NLGN2: variants seen among roughly 807,000 people sequenced by gnomAD.
NLGN2 encodes the protein neuroligin-2.
Under a neutral mutation model 48.6 loss-of-function variants are expected in NLGN2, and 11 were observed. That is an observed-to-expected ratio of 0.23 (90% CI 0.14 to 0.37). The LOEUF (loss-of-function observed/expected upper bound fraction) is 0.37, where lower values mean the gene tolerates loss of function less well. Among genes scored for constraint, NLGN2 ranks in the 10% least tolerant of loss-of-function variants. The pLI is 1.00. For missense variants in NLGN2, 801 were observed against 1,225.2 expected (o/e 0.65, Z 5.17); for synonymous variants, 548 against 550.0 (o/e 1.00, Z 0.05).
intron 6 of NLGN2, 32 bp downstream of exon 6, chr17:7,416,139 C>A (rs370146381): frequency 8.8e-6 from 5 of 568,358 alleles, no homozygotes; most frequent in African/African-American, 1.9e-5. Flanking sequence ...CGGGGCTGGG[C>A]GGGGCCCTCC....
Position 7,417,204 on chromosome 17 carries a change from C to A in NLGN2, c.1913C>A (p.Pro638Gln). The part of the protein sequence containing the change: ...RWPPRPPAGA[P>Q]GTRRPPPPAT... ...CCGCCTCGTCCCCCCGCTGGCGCCCCGGGCACACGCCGGCCCCCGCCGCCT... is the reference window on the plus strand; with the variant it reads ...CCGCCTCGTCCCCCCGCTGGCGCCCAGGGCACACGCCGGCCCCCGCCGCCT... Residue 638 changes from proline to glutamine, a missense_variant, in exon 7 of 7, where the codon CCG (proline) becomes CAG (glutamine). Around this residue, in one of 5 missense-constraint regions of NLGN2, gnomAD observed 276 missense variants for 313.9 expected, o/e 0.88. Coordinates refer to ENST00000302926, the MANE Select transcript of NLGN2 (RefSeq NM_020795.4). 3 of 1,558,796 alleles carry A rather than the reference C, an allele frequency of 1.9e-6. No homozygotes were observed. Among genetic ancestry groups the A allele is most frequent in the Non-Finnish European group, 2.6e-6 (3 of 1,154,164 alleles).
Position 7,415,544 on chromosome 17 carries a change from C to T in NLGN2, c.1071C>T (p.Gly357=), listed in dbSNP as rs762728787. The T allele has an allele frequency of 9.3e-6, 15 of 1,614,124 alleles. No individual in the cohort carries two copies. Among genetic ancestry groups the T allele is most frequent in the Middle Eastern group, 1.6e-4 (1 of 6,082 alleles). Residue 357 remains glycine (G), a synonymous_variant, in exon 6 of 7, where the codon GGC becomes GGT. Coordinates refer to ENST00000302926, the MANE Select transcript of NLGN2 (RefSeq NM_020795.4). ...YHIAFGPVVD[G]DVVPDDPEIL... ...TCGCCTTTGGGCCCGTGGTGGATGGCGACGTGGTCCCCGATGACCCTGAGA... is the reference window on the plus strand; with the variant it reads ...TCGCCTTTGGGCCCGTGGTGGATGGTGACGTGGTCCCCGATGACCCTGAGA...
At position 7,417,616 on chromosome 17, in the gene NLGN2, G is replaced by A; in HGVS notation, c.2325G>A (p.Arg775=). Residue 775 remains arginine (R), a synonymous_variant, in exon 7 of 7, where the codon CGG becomes CGA. Transcript: ENST00000302926. ...CPPDYTLALR[R]APDDVPLLAP... The stretch of plus-strand genomic sequence containing the variant: ...CCGACTACACCCTGGCCCTGCGCCG[G>A]GCACCGGACGATGTGCCTCTCTTGG... 1 of 1,417,098 alleles carries A rather than the reference G, an allele frequency of 7.1e-7. No individual in the cohort carries two copies. Among genetic ancestry groups the A allele is most frequent in the Non-Finnish European group, 9.1e-7 (1 of 1,094,920 alleles). The allele number at this position is 1,417,098 out of a possible 1,614,324, so 87.8% of individuals were successfully genotyped here.
In NLGN2 at chr17:7,413,385, T is replaced by C. The variant is rs1158118488; in HGVS notation, c.509-959T>C. On this transcript the variant is annotated intron_variant, in intron 2 of 6. Coordinates refer to ENST00000302926, the MANE Select transcript of NLGN2 (RefSeq NM_020795.4). This position sits in a 1 kb window ranked among gnomAD's most constrained non-coding sequence, Gnocchi z 4.9. ...CCAGGCCTGGCTTTGGTTTGCTGAG[T>C]ATCCAGGCTAGCAGGGAGGGCCAGT... is the stretch of plus-strand genomic sequence containing the variant. 1.3e-5 allele frequency among the ~76,000 whole-genome samples: 2 copies of C among 152,090 alleles called. No homozygotes were observed. Among genetic ancestry groups the C allele is most frequent in the Non-Finnish European group, 2.9e-5 (2 of 67,996 alleles).
Position 7,408,776 on chromosome 17 carries a change from C to T in NLGN2, c.457+64C>T. On this transcript the variant is annotated intron_variant, in intron 1 of 6. Coordinates refer to ENST00000302926, the MANE Select transcript of NLGN2 (RefSeq NM_020795.4). The surrounding 1 kb of genome is among the most constrained non-coding windows in gnomAD (Gnocchi z 7.5). ...CAGCCCACAAACGCACATGCAGACC[C>T]TCAGGCACTGGCACCGCTCTAGGGC... 6.2e-7 allele frequency: 1 copy of T among 1,609,278 alleles called. No homozygotes were observed. The highest frequency in any genetic ancestry group is 8.5e-7 in the Non-Finnish European group (1 of 1,178,566).
chr17:7,407,248 T>TCCCGTCA (rs1390453153), upstream of NLGN2, among the ~76,000 whole-genome samples: 1 of 152,146 alleles, frequency 6.6e-6, no homozygotes, highest in Non-Finnish European at 1.5e-5. Flanking sequence ...CGGGGCAGCA[T>TCCCGTCA]CCCGTCACCC....
chr17:7,409,002 A>G (rs1233976738), intron 1 of NLGN2, among the ~76,000 whole-genome samples: 1 of 152,168 alleles, frequency 6.6e-6, no homozygotes, highest in Non-Finnish European at 1.5e-5. Context: ...GTCTCCCCAA[A>G]GAGGCACAGT....
intron 3 of NLGN2, 22 bp from the exon 4 acceptor site, chr17:7,414,641 C>A: frequency 1.2e-6 from 2 of 1,613,368 alleles, no homozygotes; most frequent in Non-Finnish European, 1.7e-6. Context: ...CTCCAGGGAG[C>A]CCTCTTCTTC....
At position 7,417,548 on chromosome 17, in the gene NLGN2, G is replaced by T. The variant is rs751078536; in HGVS notation, c.2257G>T (p.Val753Phe). ...VSLQLKRGGG[V>F]GADPAEALRP... ...ACTGCAGCTGAAGCGGGGTGGTGGC[G>T]TCGGGGCGGACCCTGCCGAGGCTCT... The change falls in exon 7 of 7, where the codon GTC (valine) becomes TTC (phenylalanine). Residue 753 changes from valine to phenylalanine, a missense_variant. By Grantham distance (50) the Val-to-Phe change is conservative (BLOSUM62 -1). Around this residue, in one of 5 missense-constraint regions of NLGN2, gnomAD observed 276 missense variants for 313.9 expected, o/e 0.88. Transcript: ENST00000302926. 17 of 1,468,054 alleles carry T rather than the reference G, an allele frequency of 1.2e-5. No homozygotes were observed. The East Asian group carries it at 4.1e-4, about 35-fold the overall frequency. 90.9% of individuals were successfully genotyped at this position (1,468,054 alleles called of 1,614,324 possible).
rs1351408868 is a variant in NLGN2 at position 7,417,766 on chromosome 17, G to A, written c.2475G>A (p.Thr825=). The A allele has an allele frequency of 4.8e-5, 61 of 1,257,944 alleles. No homozygotes were observed. Among genetic ancestry groups the A allele is most frequent in the Non-Finnish European group, 6.0e-5 (58 of 972,958 alleles). The allele number at this position is 1,257,944 out of a possible 1,614,324, so 77.9% of individuals were successfully genotyped here. The change falls in exon 7 of 7, where the codon ACG becomes ACA. Residue 825 remains threonine (T), a synonymous_variant. Transcript: ENST00000302926. ...PPPTATSHNN[T]LPHPHSTTRV is the part of the protein sequence containing the mutation. ...CCACCGCCACCAGCCACAACAACAC[G>A]CTACCCCACCCCCACTCCACCACTC... is the stretch of plus-strand genomic sequence containing the variant.
intron 3 of NLGN2, 21 bp downstream of exon 3, chr17:7,414,514 CTG>C (rs779128248): frequency 6.8e-6 from 11 of 1,611,778 alleles, no homozygotes; most frequent in Admixed American, 5.0e-5. Flanking sequence ...GCAGCCAACT[CTG>C]GGGCTCGGGG....
chr17:7,418,370 C>G lies in NLGN2; in HGVS notation c.*571C>G, dbSNP rs1321703068. 2 of 152,232 alleles carry G rather than the reference C, an allele frequency of 1.3e-5. No individual in the cohort carries two copies. The highest frequency in any genetic ancestry group is 1.3e-4 in the Admixed American group (2 of 15,284). The allele number at this position is 152,232 out of a possible 1,614,324, so 9.4% of individuals were successfully genotyped here. A position where few individuals can be genotyped will look rare whatever the true frequency, so the allele number is the denominator to read the frequency against. On this transcript the variant is annotated 3_prime_UTR_variant, in exon 7 of 7. Transcript: ENST00000302926. ...GCCCCTGCCTCCCTTGCCCCTACCC[C>G]GGCGAAGCATGTTCCCCCCGACGCC...
chr17:7,411,900 C>T lies in NLGN2; in HGVS notation c.458-257C>T, dbSNP rs2285480. The stretch of plus-strand genomic sequence containing the variant: ...CAGCCCACTCAGGCACCCCACCCCC[C>T]CAAAACCAGCCTTTTCTTTGGGGCA... On this transcript the variant is annotated intron_variant, in intron 1 of 6. Coordinates refer to ENST00000302926, the MANE Select transcript of NLGN2 (RefSeq NM_020795.4). This position sits in a 1 kb window ranked among gnomAD's most constrained non-coding sequence, Gnocchi z 4.5. 0.011 allele frequency among the ~76,000 whole-genome samples: 1,701 copies of T among 152,236 alleles called. 15 individuals are homozygous for T. Among genetic ancestry groups the T allele is most frequent in the Middle Eastern group, 0.034 (10 of 294 alleles).
upstream of NLGN2, among the ~76,000 whole-genome samples, chr17:7,407,414 G>A (rs1160454600): frequency 6.6e-6 from 1 of 152,210 alleles, no homozygotes; most frequent in Non-Finnish European, 1.5e-5. Context: ...AATCCTTAGC[G>A]AATGGTGTGT....
In NLGN2 at chr17:7,408,758, C is replaced by T; in HGVS notation, c.457+46C>T. The T allele has an allele frequency of 6.2e-7, 1 of 1,611,110 alleles. No individual in the cohort carries two copies. The highest frequency in any genetic ancestry group is 1.7e-5 in the Admixed American group (1 of 59,966). On this transcript the variant is annotated intron_variant, in intron 1 of 6. Transcript: ENST00000302926. The surrounding 1 kb of genome is among the most constrained non-coding windows in gnomAD (Gnocchi z 7.5). Reference sequence around the variant, plus strand: ...CCGGGCACCCCGTGGACACAGCCCACAAACGCACATGCAGACCCTCAGGCA... The same window carrying T: ...CCGGGCACCCCGTGGACACAGCCCATAAACGCACATGCAGACCCTCAGGCA...
Position 7,408,583 on chromosome 17 carries a change from C to A in NLGN2, c.328C>A (p.Leu110Met). Residue 110 changes from leucine to methionine, a missense_variant, in exon 1 of 7, where the codon CTG becomes ATG. This residue lies in a region of NLGN2 where 164 missense variants were observed against 186.2 expected (regional missense o/e 0.88). Transcript: ENST00000302926. The surrounding 1 kb of genome is among the most constrained non-coding windows in gnomAD (Gnocchi z 7.5). ...TTLPPACPQN[L>M]HGALPAIMLP... ...CCTGCCGCCCGCCTGCCCGCAGAAC[C>A]TGCACGGGGCGCTGCCCGCCATCAT... is the stretch of plus-strand genomic sequence containing the variant. The A allele has an allele frequency of 6.4e-7, 1 of 1,568,102 alleles. No homozygotes were observed. Among genetic ancestry groups the A allele is most frequent in the Admixed American group, 1.9e-5 (1 of 53,126 alleles).
Position 7,415,544 on chromosome 17 carries a change from C to A in NLGN2, c.1071C>A (p.Gly357=). The A allele has an allele frequency of 6.2e-7, 1 of 1,614,242 alleles. No homozygotes were observed. Among genetic ancestry groups the A allele is most frequent in the Non-Finnish European group, 8.5e-7 (1 of 1,180,046 alleles). Residue 357 remains glycine, a synonymous_variant, in exon 6 of 7, where the codon GGC becomes GGA. Transcript: ENST00000302926. ...TCGCCTTTGGGCCCGTGGTGGATGG[C>A]GACGTGGTCCCCGATGACCCTGAGA... The part of the protein sequence containing the change: ...YHIAFGPVVD[G]DVVPDDPEIL...
At chr17:7,404,717 A>C (rs916743521), upstream of NLGN2, among the ~76,000 whole-genome samples, 1 of 151,204 alleles carries the variant, frequency 6.6e-6, no homozygotes, top group Admixed American at 6.6e-5. Flanking sequence ...CTGGCCCGCT[A>C]CGTCCATCTG....
rs377458927 is a variant in NLGN2, at chr17:7,414,885, A to G, written c.844+37A>G. On this transcript the variant is annotated intron_variant, in intron 4 of 6. Transcript: ENST00000302926. ...GTCCCAGCCTGTTCCACCCTTCCCA[A>G]CCCTGCCAACTCCCCCCTCTCCTTC... The G allele has an allele frequency of 3.7e-6, 6 of 1,612,520 alleles. No individual in the cohort carries two copies. The African/African-American group carries it at 6.7e-5, about 18-fold the overall frequency.
Sources: gnomAD v4.1 joint callset for allele counts (sites outside exome capture counted in the v4.1 genomes callset) on GRCh38, gnomAD v4.1.1 for gene constraint, gnomAD v4.1.1 regional missense constraint, Gnocchi (gnomAD v3.1) non-coding constraint, MANE v1.5 for transcripts, NCBI Gene and HGNC (gene_info 2026-07-23, HGNC 2026-07-21) for gene names.